The following ENTREP2 variants were observed in gnomAD, a reference collection of about 807,000 sequenced individuals.
ENTREP2 encodes protein ENTREP2.
At chr15:29,319,546 C>T in the ENTREP2 span, among the ~76,000 whole-genome samples, 2 of 152,212 alleles carry the variant, frequency 1.3e-5, no homozygotes, top group Non-Finnish European at 2.9e-5. Context: ...TCTGGAATAA[C>T]AAATTTATCT....
At chr15:29,137,880 A>C in the ENTREP2 span, among the ~76,000 whole-genome samples, 1 of 152,024 alleles carries the variant, frequency 6.6e-6, no homozygotes, top group East Asian at 1.9e-4. Flanking sequence ...CATTTCTCAA[A>C]GTGTGTTCAT....
chr15:29,277,949 GA>G, the ENTREP2 span, among the ~76,000 whole-genome samples: 3 of 151,746 alleles, frequency 2.0e-5, no homozygotes, highest in African/African-American at 4.8e-5. Flanking sequence ...CGTTGAAATG[GA>G]AAAAAAATAA....
the ENTREP2 span, chr15:29,233,733 G>C: frequency 7.0e-7 from 1 of 1,425,952 alleles, no homozygotes; most frequent in Non-Finnish European, 9.9e-7. Context: ...GATCTGAGCT[G>C]TTTGTTAACC....
the ENTREP2 span, among the ~76,000 whole-genome samples, chr15:29,313,598 G>A: frequency 2.0e-5 from 3 of 151,948 alleles, no homozygotes; most frequent in East Asian, 3.9e-4. Context: ...GAGACCTAAC[G>A]CTCAGAAAAA....
the ENTREP2 span, among the ~76,000 whole-genome samples, chr15:29,638,775 A>AT: frequency 6.6e-6 from 1 of 151,654 alleles, no homozygotes; most frequent in East Asian, 2.0e-4. Context: ...CCAGTGTTCT[A>AT]TTTTTCTATC....
At chr15:29,464,297 C>T in the ENTREP2 span, among the ~76,000 whole-genome samples, 6 of 151,972 alleles carry the variant, frequency 3.9e-5, no homozygotes, top group Admixed American at 1.3e-4. Flanking sequence ...AGCTGAGAAA[C>T]GTGGAAGTGG....
the ENTREP2 span, among the ~76,000 whole-genome samples, chr15:29,396,756 T>A: frequency 6.6e-6 from 1 of 152,216 alleles, no homozygotes; most frequent in East Asian, 1.9e-4. Context: ...TATGTTTAGG[T>A]CTTTAATCCA....
chr15:29,261,170 C>T, the ENTREP2 span, among the ~76,000 whole-genome samples: 1 of 152,084 alleles, frequency 6.6e-6, no homozygotes, highest in African/African-American at 2.4e-5. Context: ...TGGTAAGGAG[C>T]TCAAGACCAG....
the ENTREP2 span, chr15:29,136,423 A>G: frequency 3.9e-6 from 6 of 1,541,638 alleles, no homozygotes; most frequent in African/African-American, 2.8e-5. Flanking sequence ...GCTCAGCAGG[A>G]TAGAGCAGGC....
At chr15:29,438,459 C>T in the ENTREP2 span, among the ~76,000 whole-genome samples, 11 of 152,144 alleles carry the variant, frequency 7.2e-5, no homozygotes, top group Non-Finnish European at 1.3e-4. Context: ...ACAGGACCTC[C>T]CTTTCTACCA....
At chr15:29,430,952 G>T in the ENTREP2 span, among the ~76,000 whole-genome samples, 170 of 152,254 alleles carry the variant, frequency 1.1e-3, 1 homozygote, top group African/African-American at 3.9e-3. Context: ...CCTCCCAGAT[G>T]TCTTTCTAGT....
chr15:29,230,665 T>C, the ENTREP2 span, among the ~76,000 whole-genome samples: 3 of 152,014 alleles, frequency 2.0e-5, no homozygotes, highest in Non-Finnish European at 4.4e-5. Flanking sequence ...AGAAGTAGTT[T>C]TGGTAGAGGG....
At chr15:29,617,278 C>CT in the ENTREP2 span, among the ~76,000 whole-genome samples, 1 of 152,032 alleles carries the variant, frequency 6.6e-6, no homozygotes, top group Non-Finnish European at 1.5e-5. Flanking sequence ...GGAATGCACA[C>CT]GTCCAAGGGC....
At chr15:29,437,835 C>T in the ENTREP2 span, among the ~76,000 whole-genome samples, 3 of 152,162 alleles carry the variant, frequency 2.0e-5, no homozygotes, top group Non-Finnish European at 4.4e-5. Context: ...AGAGAACCCA[C>T]GCTCCCATCC....
At chr15:29,189,893 A>T in the ENTREP2 span, among the ~76,000 whole-genome samples, 1 of 152,206 alleles carries the variant, frequency 6.6e-6, no homozygotes, top group Non-Finnish European at 1.5e-5. Flanking sequence ...ACACTGTTTC[A>T]TCAGGAACGG....
At chr15:29,333,673 T>G in the ENTREP2 span, among the ~76,000 whole-genome samples, 2 of 152,164 alleles carry the variant, frequency 1.3e-5, no homozygotes, top group South Asian at 4.2e-4. Context: ...TAATCAGAAT[T>G]ATTAGTTTTG....
the ENTREP2 span, among the ~76,000 whole-genome samples, chr15:29,537,591 A>G: frequency 6.6e-6 from 1 of 152,110 alleles, no homozygotes; most frequent in African/African-American, 2.4e-5. Context: ...CTCTCTCTGG[A>G]TCATTGCATT....
the ENTREP2 span, among the ~76,000 whole-genome samples, chr15:29,491,313 G>A: frequency 6.6e-6 from 1 of 152,170 alleles, no homozygotes; most frequent in African/African-American, 2.4e-5. Flanking sequence ...GCCCAGAGTG[G>A]GGCTCCTACA....
At chr15:29,562,290 T>C in the ENTREP2 span, among the ~76,000 whole-genome samples, 1 of 152,244 alleles carries the variant, frequency 6.6e-6, no homozygotes, top group Non-Finnish European at 1.5e-5. Flanking sequence ...ACAGATTGGA[T>C]AACAATGTTC....
Sources: allele counts gnomAD v4.1 joint callset (sites outside exome capture counted in the v4.1 genomes callset), GRCh38; gene constraint gnomAD v4.1.1; transcripts MANE v1.5; gene names NCBI Gene and HGNC (gene_info 2026-07-23, HGNC 2026-07-21).